The following CAMK4 variants were observed in gnomAD, a reference collection of about 807,000 sequenced individuals.
CAMK4 encodes calcium/calmodulin dependent protein kinase IV, also known as calcium/calmodulin-dependent protein kinase type IV.
A neutral mutation model predicts 44.9 loss-of-function variants in CAMK4; 22 were observed. The observed-to-expected ratio is 0.49, with a 90% CI of 0.35 to 0.70. The LOEUF is 0.70. Among genes scored for constraint, CAMK4 ranks in the 30% least tolerant of loss-of-function variants. The pLI, the probability that CAMK4 is intolerant of heterozygous loss-of-function variation, is 0.01. For synonymous variants in CAMK4, 218 were observed against 215.4 expected, an observed-to-expected ratio of 1.01 and a Z score of -0.11; for missense variants, 498 against 586.8, an observed-to-expected ratio of 0.85 and a Z score of 1.56.
At chr5:111,341,930 C>T (rs973709218) in intron 1 of CAMK4, among the ~76,000 whole-genome samples, 1 of 151,360 alleles carries the variant, frequency 6.6e-6, no homozygotes, top group Non-Finnish European at 1.5e-5. Flanking sequence ...TTCTTTATTT[C>T]GTTTGCAACT....
intron 1 of CAMK4, among the ~76,000 whole-genome samples, chr5:111,339,850 C>G (rs1030499397): frequency 9.3e-5 from 14 of 151,242 alleles, no homozygotes; most frequent in Non-Finnish European, 1.8e-4. Context: ...TTCTTTCAAT[C>G]CATGAACACA....
chr5:111,227,503 T>G (rs990201834), intron 1 of CAMK4, among the ~76,000 whole-genome samples: 1 of 152,208 alleles, frequency 6.6e-6, no homozygotes, highest in African/African-American at 2.4e-5. Flanking sequence ...TCCATTACAG[T>G]TGTCTGTTGT....
intron 2 of CAMK4, among the ~76,000 whole-genome samples, chr5:111,352,019 C>G (rs747156906): frequency 2.6e-5 from 4 of 151,992 alleles, no homozygotes; most frequent in Non-Finnish European, 4.4e-5. Flanking sequence ...TCTTTTGTCT[C>G]TTCATATAAG....
intron 1 of CAMK4, among the ~76,000 whole-genome samples, chr5:111,284,540 C>T (rs144405160): frequency 3.3e-5 from 5 of 152,238 alleles, no homozygotes; most frequent in Admixed American, 6.5e-5. Flanking sequence ...TGGCTCTGGG[C>T]GGATCACCAG....
chr5:111,234,588 A>G (rs1271915604), intron 1 of CAMK4, among the ~76,000 whole-genome samples: 1 of 152,218 alleles, frequency 6.6e-6, no homozygotes, highest in Admixed American at 6.5e-5. Flanking sequence ...AGCTAAAGGC[A>G]CTGACCTAAA....
At chr5:111,459,794 T>G (rs1754575349) in intron 7 of CAMK4, among the ~76,000 whole-genome samples, 1 of 148,712 alleles carries the variant, frequency 6.7e-6, no homozygotes, top group Non-Finnish European at 1.5e-5. Flanking sequence ...GCTCCGCCTC[T>G]CGGGTTCACG....
chr5:111,248,477 T>C (rs549886732), intron 1 of CAMK4, among the ~76,000 whole-genome samples: 10 of 151,650 alleles, frequency 6.6e-5, no homozygotes, highest in Non-Finnish European at 7.4e-5. Context: ...TATAATTTTG[T>C]GTCACTTAAG....
chr5:111,371,450 G>A (rs1189755241), intron 2 of CAMK4, among the ~76,000 whole-genome samples: 2 of 152,096 alleles, frequency 1.3e-5, no homozygotes, highest in East Asian at 1.9e-4. Flanking sequence ...ACTATCTTCT[G>A]ATAACATTAT....
chr5:111,346,854 C>T (rs886585321), intron 2 of CAMK4, among the ~76,000 whole-genome samples: 1 of 137,426 alleles, frequency 7.3e-6, no homozygotes, highest in African/African-American at 2.6e-5. Flanking sequence ...AAAACACTAA[C>T]ACCAGGACTT....
chr5:111,248,019 T>A (rs1749315795), intron 1 of CAMK4, among the ~76,000 whole-genome samples: 1 of 152,222 alleles, frequency 6.6e-6, no homozygotes, highest in African/African-American at 2.4e-5. Context: ...CAAGGACTTT[T>A]TGTTCCCCTG....
chr5:111,396,533 G>A (rs1169554427), intron 5 of CAMK4, among the ~76,000 whole-genome samples: 1 of 149,422 alleles, frequency 6.7e-6, no homozygotes, highest in East Asian at 2.0e-4. Context: ...TTCTTCAAAT[G>A]TGCATAAACT....
At chr5:111,469,010 G>A (rs1402097423) in intron 7 of CAMK4, among the ~76,000 whole-genome samples, 2 of 151,112 alleles carry the variant, frequency 1.3e-5, no homozygotes, top group East Asian at 3.9e-4. Context: ...TGGGCATGGT[G>A]GCAAGCACCT....
At chr5:111,329,795 A>C (rs748048239) in intron 1 of CAMK4, among the ~76,000 whole-genome samples, 4 of 151,772 alleles carry the variant, frequency 2.6e-5, no homozygotes, top group African/African-American at 4.8e-5. Context: ...ATAATTAAAA[A>C]AAGAAAAATA....
At chr5:111,320,802 A>G (rs1748632075) in intron 1 of CAMK4, among the ~76,000 whole-genome samples, 1 of 152,176 alleles carries the variant, frequency 6.6e-6, no homozygotes, top group South Asian at 2.1e-4. Context: ...CACTGTACCC[A>G]GCTAATATTG....
intron 4 of CAMK4, among the ~76,000 whole-genome samples, chr5:111,391,676 C>T (rs1026277949): frequency 6.6e-6 from 1 of 152,066 alleles, no homozygotes; most frequent in African/African-American, 2.4e-5. Context: ...AGAAAACAAA[C>T]ACAAAACATT....
chr5:111,483,481 G>A (rs1470013394), intron 10 of CAMK4, among the ~76,000 whole-genome samples: 1 of 152,154 alleles, frequency 6.6e-6, no homozygotes, highest in Non-Finnish European at 1.5e-5. Context: ...GTAAGTAGAG[G>A]ATCTCAGAGA....
chr5:111,340,935 T>C (rs1458936677), intron 1 of CAMK4, among the ~76,000 whole-genome samples: 1 of 151,172 alleles, frequency 6.6e-6, no homozygotes, highest in Non-Finnish European at 1.5e-5. Context: ...CATTATTCAG[T>C]CTTGGTAGGT....
intron 1 of CAMK4, among the ~76,000 whole-genome samples, chr5:111,239,843 C>T (rs182700372): frequency 1.4e-4 from 22 of 152,298 alleles, no homozygotes; most frequent in African/African-American, 5.1e-4. Context: ...TCTGGAAATG[C>T]GTTGGCAGGA....
chr5:111,464,010 GA>G (rs1018401535), intron 7 of CAMK4, among the ~76,000 whole-genome samples: 12 of 151,254 alleles, frequency 7.9e-5, no homozygotes, highest in East Asian at 1.9e-4. Flanking sequence ...TGAATTGGCA[GA>G]AAAAAAATTC....
Sources: gnomAD v4.1 joint callset for allele counts (sites outside exome capture counted in the v4.1 genomes callset) on GRCh38, gnomAD v4.1.1 for gene constraint, MANE v1.5 for transcripts, NCBI Gene and HGNC (gene_info 2026-07-23, HGNC 2026-07-21) for gene names.